GRM5: variants seen among roughly 807,000 people sequenced by gnomAD.
The protein encoded by GRM5 is metabotropic glutamate receptor 5.
GRM5 carries 19 observed loss-of-function variants against 83.1 expected under a neutral mutation model. That is an observed-to-expected ratio of 0.23 (90% confidence interval 0.16 to 0.34). GRM5 has a LOEUF of 0.34. Among genes scored for constraint, GRM5 ranks in the 10% least tolerant of loss-of-function variants. The probability of loss-of-function intolerance (pLI) is 1.00; values close to 1 mark genes in which losing one functional copy is unlikely to be tolerated. For synonymous variants in GRM5, 675 were observed against 633.6 expected (o/e 1.07, Z -0.98); for missense variants, 1,160 against 1,588.3 (o/e 0.73, Z 4.58).
chr11:88,816,550 A>AAAAG (rs1943688958), intron 3 of GRM5, among the ~76,000 whole-genome samples: 3 of 142,036 alleles, frequency 2.1e-5, no homozygotes, highest in East Asian at 2.0e-4. Flanking sequence ...AAAAAAAAAA[A>AAAAG]AAAAGAAAAG....
At chr11:89,059,321 T>G (rs1472586175) in intron 1 of GRM5, among the ~76,000 whole-genome samples, 1 of 152,206 alleles carries the variant, frequency 6.6e-6, no homozygotes, top group Non-Finnish European at 1.5e-5. Flanking sequence ...GAGATAGCAA[T>G]TACGTATTAT....
intron 2 of GRM5, among the ~76,000 whole-genome samples, chr11:88,972,394 A>G (rs1939193328): frequency 6.6e-6 from 1 of 152,198 alleles, no homozygotes; most frequent in Non-Finnish European, 1.5e-5. Context: ...TTTATTCTCC[A>G]AAATAAACCT....
At chr11:88,766,737 A>C (rs544001886) in intron 3 of GRM5, among the ~76,000 whole-genome samples, 1 of 152,184 alleles carries the variant, frequency 6.6e-6, no homozygotes, top group Admixed American at 6.6e-5. Flanking sequence ...TACAGAGCAA[A>C]AGGAACTATC....
At chr11:88,513,907 A>T (rs1941452646) in intron 9 of GRM5, among the ~76,000 whole-genome samples, 1 of 144,776 alleles carries the variant, frequency 6.9e-6, no homozygotes, top group Admixed American at 7.0e-5. Context: ...TTGAGCTAAG[A>T]TGTTGTATTT....
chr11:88,543,874 G>A (rs1430516520), intron 8 of GRM5, among the ~76,000 whole-genome samples: 1 of 152,052 alleles, frequency 6.6e-6, no homozygotes, highest in African/African-American at 2.4e-5. Flanking sequence ...GCTTGAAAAT[G>A]TCACCAAAAG....
intron 8 of GRM5, among the ~76,000 whole-genome samples, chr11:88,560,178 C>A (rs10501668): frequency 0.32 from 48,349 of 152,054 alleles, 8,236 homozygotes; most frequent in African/African-American, 0.44. Context: ...TGCAAAAGAA[C>A]TTTATGGCTC....
At chr11:88,967,248 C>CATATAT (rs61389354) in intron 2 of GRM5, among the ~76,000 whole-genome samples, 13 of 141,664 alleles carry the variant, frequency 9.2e-5, no homozygotes, top group African/African-American at 2.5e-4. Context: ...TATATATACA[C>CATATAT]ATATATATAT....
intron 1 of GRM5, among the ~76,000 whole-genome samples, chr11:89,052,491 G>A (rs187135806): frequency 3.2e-4 from 48 of 152,158 alleles, no homozygotes; most frequent in African/African-American, 9.6e-4. Context: ...AGAGAAAAAC[G>A]TATCCGATTC....
rs113430270 is a variant in GRM5 at position 88,733,740 on chromosome 11, A to G, written c.912-80337T>C. Among the ~76,000 whole-genome samples the G allele has an allele frequency of 3.9e-3, 598 of 152,210 alleles. 4 individuals are homozygous for G. The highest frequency in any genetic ancestry group is 0.014 in the African/African-American group (571 of 41,566). On this transcript the variant is annotated intron_variant, in intron 3 of 9. Transcript: ENST00000305447. ...CTGCTTCTTTATGTTATACAATAGC[A>G]GATAAACTTCTCGAGAACGTGTAAA...
At chr11:89,043,189 C>T (rs1196135829) in intron 2 of GRM5, among the ~76,000 whole-genome samples, 1 of 152,154 alleles carries the variant, frequency 6.6e-6, no homozygotes, top group Non-Finnish European at 1.5e-5. Flanking sequence ...TTCCTCTATT[C>T]AGCAAATAGT....
intron 2 of GRM5, among the ~76,000 whole-genome samples, chr11:88,964,241 G>A (rs1938876077): frequency 6.6e-6 from 1 of 152,044 alleles, no homozygotes; most frequent in African/African-American, 2.4e-5. Context: ...AGACATTGGA[G>A]CCACCACAAT....
chr11:88,646,668 C>A (rs1939462123), intron 4 of GRM5, among the ~76,000 whole-genome samples: 1 of 150,108 alleles, frequency 6.7e-6, no homozygotes, highest in Non-Finnish European at 1.5e-5. Flanking sequence ...TTACTGCATA[C>A]TTGAAAAGGT....
intron 1 of GRM5, among the ~76,000 whole-genome samples, chr11:89,061,787 C>T (rs1941999276): frequency 6.6e-6 from 1 of 152,224 alleles, no homozygotes; most frequent in South Asian, 2.1e-4. Context: ...ATCATCTCGA[C>T]ACATCCTTTC....
rs116015119 is a variant in GRM5 at position 88,525,554 on chromosome 11, C to T, written c.2631-150G>A. ...TCAATGCAATGACCAACCTGTGATACTTATTAGATGAATGTGATGGCATAT... is the reference window on the plus strand; with the variant it reads ...TCAATGCAATGACCAACCTGTGATATTTATTAGATGAATGTGATGGCATAT... On this transcript the variant is annotated intron_variant, in intron 8 of 9. Transcript: ENST00000305447. 2,513 of 647,648 alleles carry T rather than the reference C, an allele frequency of 3.9e-3. 49 individuals carry two copies. In the African/African-American group the frequency reaches 0.04, roughly 10 times the overall value. The allele number at this position is 647,648 out of a possible 1,614,324, so 40.1% of individuals were successfully genotyped here. A position where few individuals can be genotyped will look rare whatever the true frequency, so the allele number is the denominator to read the frequency against.
intron 3 of GRM5, among the ~76,000 whole-genome samples, chr11:88,764,594 CT>C (rs35531644): frequency 0.5 from 74,844 of 151,084 alleles, 22,446 homozygotes; most frequent in Non-Finnish European, 0.7. Context: ...AATAACCATT[CT>C]TAGACAATAC....
At chr11:88,676,374 A>G (rs566134897) in intron 3 of GRM5, among the ~76,000 whole-genome samples, 2 of 152,186 alleles carry the variant, frequency 1.3e-5, no homozygotes, top group East Asian at 3.9e-4. Flanking sequence ...CATTTGAGAT[A>G]CAATGACAAG....
chr11:88,963,328 G>A (rs532955027), intron 2 of GRM5, among the ~76,000 whole-genome samples: 1 of 152,316 alleles, frequency 6.6e-6, no homozygotes, highest in African/African-American at 2.4e-5. Context: ...CGAATTAAAA[G>A]CTAGGCAAAA....
At chr11:88,872,919 T>G (rs1040158804) in intron 2 of GRM5, among the ~76,000 whole-genome samples, 15 of 137,122 alleles carry the variant, frequency 1.1e-4, no homozygotes, top group Admixed American at 3.8e-4. Context: ...ACAGAAAGGC[T>G]GAATGAATTA....
At chr11:88,835,621 T>G in intron 3 of GRM5, among the ~76,000 whole-genome samples, 1 of 152,108 alleles carries the variant, frequency 6.6e-6, no homozygotes, top group East Asian at 1.9e-4. Context: ...ATTACACTTG[T>G]TTTACAGAAA....
Sources: allele counts gnomAD v4.1 joint callset (sites outside exome capture counted in the v4.1 genomes callset), GRCh38; gene constraint gnomAD v4.1.1; transcripts MANE v1.5; gene names NCBI Gene and HGNC (gene_info 2026-07-23, HGNC 2026-07-21).